SNX29: variants seen among roughly 807,000 people sequenced by gnomAD.
SNX29 encodes sorting nexin-29.
SNX29 carries 78 observed loss-of-function variants against 102.1 expected under a neutral mutation model. The observed-to-expected ratio is 0.76, with a 90% CI of 0.64 to 0.92. The LOEUF is 0.92. Among genes scored for constraint, SNX29 ranks in the 40% least tolerant of loss-of-function variants. The pLI, the probability that SNX29 is intolerant of heterozygous loss-of-function variation, is 0.00. For missense variants in SNX29, 1,280 were observed against 1,061.7 expected, an observed-to-expected ratio of 1.21 and a Z score of -2.86; for synonymous variants, 580 against 414.5, an observed-to-expected ratio of 1.40 and a Z score of -4.85.
intron 13 of SNX29, among the ~76,000 whole-genome samples, chr16:12,145,057 C>T (rs941584810): frequency 2.6e-5 from 4 of 152,200 alleles, no homozygotes; most frequent in African/African-American, 9.6e-5. Flanking sequence ...TCTGAGCTTT[C>T]AACGTGCGCC....
intron 20 of SNX29, chr16:12,526,758 C>T: frequency 4.6e-6 from 2 of 435,660 alleles, no homozygotes; most frequent in South Asian, 4.1e-5. Context: ...GAGGCGCTGC[C>T]CCATCCGCAA....
intron 18 of SNX29, among the ~76,000 whole-genome samples, chr16:12,464,408 G>C (rs2086957943): frequency 6.6e-6 from 1 of 152,004 alleles, no homozygotes; most frequent in South Asian, 2.1e-4. Flanking sequence ...TAGCTCTTGA[G>C]GGTACTAATT....
intron 20 of SNX29, among the ~76,000 whole-genome samples, chr16:12,562,888 G>C (rs78037495): frequency 0.015 from 2,221 of 152,220 alleles, 53 homozygotes; most frequent in South Asian, 0.11. Flanking sequence ...TCTAGTTTTG[G>C]GAATTTGACG....
intron 18 of SNX29, among the ~76,000 whole-genome samples, chr16:12,433,721 G>A (rs564729415): frequency 2.0e-5 from 3 of 152,146 alleles, no homozygotes; most frequent in Non-Finnish European, 4.4e-5. Context: ...GTACTTCGGA[G>A]GCTGAGACAC....
intron 14 of SNX29, among the ~76,000 whole-genome samples, chr16:12,206,751 A>G (rs2077053365): frequency 6.6e-6 from 1 of 150,736 alleles, no homozygotes; most frequent in Admixed American, 6.6e-5. Context: ...CACCTGGGAA[A>G]TTTTTAAAAA....
At chr16:12,306,853 G>T (rs1336533963) in intron 15 of SNX29, among the ~76,000 whole-genome samples, 1 of 152,212 alleles carries the variant, frequency 6.6e-6, no homozygotes, top group Non-Finnish European at 1.5e-5. Context: ...CAGAAGCTTT[G>T]TCTTTTGGGG....
intron 8 of SNX29, among the ~76,000 whole-genome samples, chr16:12,058,746 G>A (rs1276230350): frequency 2.0e-5 from 3 of 150,376 alleles, no homozygotes; most frequent in South Asian, 4.2e-4. Flanking sequence ...TACCCGCCAC[G>A]GCCTCCCAAA....
intron 10 of SNX29, among the ~76,000 whole-genome samples, chr16:12,075,029 C>T (rs992018687): frequency 1.3e-5 from 2 of 152,194 alleles, no homozygotes; most frequent in Admixed American, 6.5e-5. Flanking sequence ...CTCCTTTAAG[C>T]ACTTCTCTAT....
intron 18 of SNX29, among the ~76,000 whole-genome samples, chr16:12,465,681 C>T (rs1347287744): frequency 6.6e-6 from 1 of 152,082 alleles, no homozygotes; most frequent in Non-Finnish European, 1.5e-5. Flanking sequence ...TTTGGCTATT[C>T]AAGGTCTTCT....
At chr16:12,540,092 C>T (rs916506374) in intron 20 of SNX29, among the ~76,000 whole-genome samples, 5 of 152,278 alleles carry the variant, frequency 3.3e-5, no homozygotes, top group Admixed American at 2.6e-4. Flanking sequence ...CAATTGTTAG[C>T]CTAAACCCAG....
At chr16:12,492,492 C>T (rs1192172361) in intron 19 of SNX29, among the ~76,000 whole-genome samples, 1 of 152,156 alleles carries the variant, frequency 6.6e-6, no homozygotes, top group Non-Finnish European at 1.5e-5. Context: ...CCTGTTCACT[C>T]TGATGGTAGT....
chr16:12,477,705 C>A lies in SNX29; in HGVS notation c.2038-14C>A, dbSNP rs2087719748. Reference sequence around the variant, plus strand: ...AGGGTTTAAGAGGAATTCACATTTTCTCTTTCTTGACAGGTCTACATCCGG... The same window carrying A: ...AGGGTTTAAGAGGAATTCACATTTTATCTTTCTTGACAGGTCTACATCCGG... On this transcript the variant is annotated splice_polypyrimidine_tract_variant and intron_variant, in intron 18 of 20. Coordinates refer to ENST00000566228, the MANE Select transcript of SNX29 (RefSeq NM_032167.5). The A allele has an allele frequency of 1.9e-6, 3 of 1,605,776 alleles. No individual in the cohort carries two copies. The highest frequency in any genetic ancestry group is 1.3e-5 in the African/African-American group (1 of 74,418).
intron 20 of SNX29, among the ~76,000 whole-genome samples, chr16:12,559,250 C>T (rs1194659864): frequency 2.0e-5 from 3 of 152,078 alleles, no homozygotes; most frequent in African/African-American, 7.2e-5. Context: ...CGCATCACCG[C>T]CTGAGCTCTG....
intron 5 of SNX29, among the ~76,000 whole-genome samples, chr16:12,043,739 A>G (rs1454894771): frequency 7.9e-6 from 1 of 126,866 alleles, no homozygotes; most frequent in Non-Finnish European, 1.8e-5. Flanking sequence ...GAAGGAAGTC[A>G]TTTTTTTTGT....
chr16:12,565,659 C>T (rs957117042), intron 20 of SNX29, among the ~76,000 whole-genome samples: 2 of 152,252 alleles, frequency 1.3e-5, no homozygotes, highest in African/African-American at 4.8e-5. Context: ...CGTGACAGCT[C>T]AGTGCACGTC....
chr16:12,005,288 A>T (rs2056416666), intron 3 of SNX29, among the ~76,000 whole-genome samples: 1 of 152,228 alleles, frequency 6.6e-6, no homozygotes, highest in South Asian at 2.1e-4. Context: ...GTCTGCTTGC[A>T]TCAGAATCAC....
intron 19 of SNX29, among the ~76,000 whole-genome samples, chr16:12,515,161 C>G (rs976033911): frequency 6.6e-6 from 1 of 152,124 alleles, no homozygotes; most frequent in African/African-American, 2.4e-5. Context: ...AGATCAGGCA[C>G]CCTGTCCTCA....
chr16:12,459,998 C>T (rs540535719), intron 18 of SNX29, among the ~76,000 whole-genome samples: 4 of 152,174 alleles, frequency 2.6e-5, no homozygotes, highest in Non-Finnish European at 4.4e-5. Context: ...GGAAATATAC[C>T]GAACAGAAGC....
intron 14 of SNX29, among the ~76,000 whole-genome samples, chr16:12,210,529 C>G (rs1204064698): frequency 6.6e-6 from 1 of 151,858 alleles, no homozygotes; most frequent in Non-Finnish European, 1.5e-5. Flanking sequence ...GGAGTCGATG[C>G]AGAGGAAGGT....
Sources: allele counts gnomAD v4.1 joint callset (sites outside exome capture counted in the v4.1 genomes callset), GRCh38; gene constraint gnomAD v4.1.1; transcripts MANE v1.5; gene names NCBI Gene and HGNC (gene_info 2026-07-23, HGNC 2026-07-21).